Variants in SUCLG2 observed in about 807,000 individuals in gnomAD.
SUCLG2 encodes succinate--CoA ligase [GDP-forming] subunit beta, mitochondrial.
In SUCLG2, 42 loss-of-function variants were observed where a neutral mutation model predicts 47.9. The observed-to-expected ratio is 0.88, with a 90% CI of 0.69 to 1.14. SUCLG2 has a LOEUF of 1.14. Ranked by LOEUF, SUCLG2 falls within the 50% of genes most tolerant of loss-of-function variation. The probability of loss-of-function intolerance (pLI) is 0.00; values close to 1 mark genes in which losing one functional copy is unlikely to be tolerated. For missense variants in SUCLG2, 571 were observed against 525.9 expected, an observed-to-expected ratio of 1.09 and a Z score of -0.84; for synonymous variants, 195 against 197.3, an observed-to-expected ratio of 0.99 and a Z score of 0.10.
downstream of SUCLG2, among the ~76,000 whole-genome samples, chr3:67,372,289 C>G (rs114578024): frequency 6.6e-6 from 1 of 152,118 alleles, no homozygotes; most frequent in South Asian, 2.1e-4. Context: ...CCATTAACTA[C>G]GAAACTCAAG....
chr3:67,402,253 A>T (rs183531787), intron 9 of SUCLG2, among the ~76,000 whole-genome samples: 1 of 152,366 alleles, frequency 6.6e-6, no homozygotes, highest in East Asian at 1.9e-4. Context: ...CATGGCTTTA[A>T]ATGTACTTAA....
chr3:67,567,027 C>CA (rs1229590628), intron 2 of SUCLG2, among the ~76,000 whole-genome samples: 5 of 151,902 alleles, frequency 3.3e-5, no homozygotes, highest in South Asian at 2.1e-4. Flanking sequence ...TACCAAAACA[C>CA]AAAAAAATTA....
intron 1 of SUCLG2, among the ~76,000 whole-genome samples, chr3:67,648,429 C>A (rs1701228227): frequency 6.6e-6 from 1 of 152,312 alleles, no homozygotes; most frequent in African/African-American, 2.4e-5. Context: ...GAAAGGTAAG[C>A]AATCAGTTTA....
intron 9 of SUCLG2, among the ~76,000 whole-genome samples, chr3:67,475,717 T>G (rs61266458): frequency 3.3e-5 from 5 of 149,996 alleles, no homozygotes; most frequent in South Asian, 2.1e-4. Context: ...TTCCTTCCCC[T>G]CCTTTTTTTT....
chr3:67,554,459 A>G (rs1164224420), intron 2 of SUCLG2, among the ~76,000 whole-genome samples: 5 of 152,104 alleles, frequency 3.3e-5, no homozygotes, highest in Non-Finnish European at 5.9e-5. Context: ...TGATTTAGGG[A>G]GATTTAAATT....
intron 9 of SUCLG2, among the ~76,000 whole-genome samples, chr3:67,468,902 T>C (rs1298502242): frequency 6.6e-6 from 1 of 152,026 alleles, no homozygotes; most frequent in African/African-American, 2.4e-5. Context: ...CAAGAAAGAG[T>C]ATAATTTGAG....
chr3:67,609,683 T>C (rs1700493865), intron 1 of SUCLG2, 87 bp from the exon 2 acceptor site: 2 of 1,289,884 alleles, frequency 1.6e-6, no homozygotes, highest in Non-Finnish European at 2.1e-6. Context: ...TTAGAGGTAC[T>C]GTTGACTGGC....
chr3:67,429,725 C>T (rs142642057), intron 9 of SUCLG2, among the ~76,000 whole-genome samples: 4,378 of 152,164 alleles, frequency 0.029, 213 homozygotes, highest in African/African-American at 0.1. Flanking sequence ...CAGGGACACA[C>T]ATAGGCTCAA....
At position 67,508,907 on chromosome 3, in the gene SUCLG2, A is replaced by T. The variant is rs1331239136; in HGVS notation, c.661-4T>A. On this transcript the variant is annotated splice_polypyrimidine_tract_variant and splice_region_variant and intron_variant, in intron 6 of 10. Transcript: ENST00000307227. Reference sequence around the variant, plus strand: ...GCTTCGTAATTTGATCTGCAGCCTAAATGTGATCAAGTGAAATAGAATTAC... The same window carrying T: ...GCTTCGTAATTTGATCTGCAGCCTATATGTGATCAAGTGAAATAGAATTAC... 5 of 1,591,896 alleles carry T rather than the reference A, an allele frequency of 3.1e-6. No homozygotes were observed. The highest frequency in any genetic ancestry group is 2.7e-5 in the African/African-American group (2 of 73,942).
intron 9 of SUCLG2, among the ~76,000 whole-genome samples, chr3:67,485,734 A>G (rs1415197599): frequency 2.0e-5 from 3 of 152,232 alleles, no homozygotes; most frequent in Non-Finnish European, 4.4e-5. Context: ...AAAACTTCCA[A>G]AAACATAAAG....
At chr3:67,574,304 C>T (rs889626611) in intron 2 of SUCLG2, among the ~76,000 whole-genome samples, 1 of 152,210 alleles carries the variant, frequency 6.6e-6, no homozygotes, top group African/African-American at 2.4e-5. Context: ...AACATATTCA[C>T]AGGTTCCAGG....
At chr3:67,368,333 TAC>T (rs1701902288) in intron 10 of SUCLG2, among the ~76,000 whole-genome samples, 1 of 152,240 alleles carries the variant, frequency 6.6e-6, no homozygotes, top group Non-Finnish European at 1.5e-5. Flanking sequence ...TTTCCTGAAA[TAC>T]AGTGTTTCTT....
chr3:67,533,229 T>A (rs576228355), intron 2 of SUCLG2, among the ~76,000 whole-genome samples: 2 of 152,322 alleles, frequency 1.3e-5, no homozygotes, highest in East Asian at 3.9e-4. Flanking sequence ...CAGTGATGAG[T>A]CAACTATTTG....
chr3:67,458,639 C>G (rs893228738), intron 9 of SUCLG2, among the ~76,000 whole-genome samples: 2 of 152,094 alleles, frequency 1.3e-5, no homozygotes, highest in African/African-American at 2.4e-5. Flanking sequence ...TTCAACACAT[C>G]ACATCACACA....
chr3:67,367,883 T>A (rs956449434), intron 10 of SUCLG2, among the ~76,000 whole-genome samples: 3 of 152,212 alleles, frequency 2.0e-5, no homozygotes, highest in Admixed American at 1.3e-4. Flanking sequence ...TATAAGATAT[T>A]TTATATATGG....
chr3:67,539,113 G>C (rs930241998), intron 2 of SUCLG2, among the ~76,000 whole-genome samples: 1 of 152,306 alleles, frequency 6.6e-6, no homozygotes, highest in South Asian at 2.1e-4. Flanking sequence ...GGAGTGGTGA[G>C]AGAGGGCATC....
chr3:67,648,636 G>C (rs181345813), intron 1 of SUCLG2, among the ~76,000 whole-genome samples: 7 of 152,282 alleles, frequency 4.6e-5, no homozygotes, highest in Admixed American at 2.0e-4. Context: ...GATGTTGTAA[G>C]GGTTAAAGAA....
chr3:67,599,895 C>G (rs571287159), intron 2 of SUCLG2, among the ~76,000 whole-genome samples: 2 of 152,138 alleles, frequency 1.3e-5, no homozygotes, highest in Non-Finnish European at 2.9e-5. Context: ...CTCTTTTAAA[C>G]CTTCTCAATT....
chr3:67,609,370 C>T (rs1314218680), intron 2 of SUCLG2, 85 bp downstream of exon 2: 1 of 1,485,336 alleles, frequency 6.7e-7, no homozygotes, highest in African/African-American at 1.4e-5. Context: ...TAATCCACAA[C>T]AAAAAAAATT....
Sources: allele counts gnomAD v4.1 joint callset (sites outside exome capture counted in the v4.1 genomes callset), GRCh38; gene constraint gnomAD v4.1.1; transcripts MANE v1.5; gene names NCBI Gene and HGNC (gene_info 2026-07-23, HGNC 2026-07-21).